Variants in DSCAM observed in about 807,000 individuals in gnomAD.
DSCAM encodes the protein DS cell adhesion molecule, also known as cell adhesion molecule DSCAM.
In DSCAM, 47 loss-of-function variants were observed where a neutral mutation model predicts 217.7. The observed-to-expected ratio is 0.22, with a 90% CI of 0.17 to 0.28. The LOEUF is 0.28. Among genes scored for constraint, DSCAM ranks in the 10% least tolerant of loss-of-function variants. The pLI is 1.00. For missense variants in DSCAM, 2,080 were observed against 2,618.3 expected (o/e 0.79, Z 4.49); for synonymous variants, 1,056 against 1,015.3 (o/e 1.04, Z -0.76).
chr21:40,550,053 T>C (rs74435479), intron 3 of DSCAM, among the ~76,000 whole-genome samples: 4,189 of 152,256 alleles, frequency 0.028, 183 homozygotes, highest in African/African-American at 0.096. Context: ...AAAAGAACCC[T>C]ACCAAAATAC....
At chr21:40,249,562 G>T (rs1400127251) in intron 11 of DSCAM, among the ~76,000 whole-genome samples, 1 of 152,164 alleles carries the variant, frequency 6.6e-6, no homozygotes, top group East Asian at 1.9e-4. Context: ...CATTAGCGTA[G>T]AAATATATTC....
At chr21:40,300,205 C>T (rs902626439) in intron 9 of DSCAM, among the ~76,000 whole-genome samples, 1 of 152,154 alleles carries the variant, frequency 6.6e-6, no homozygotes, top group African/African-American at 2.4e-5. Context: ...GCACCATATC[C>T]TTCCATCATT....
At chr21:40,475,847 A>G (rs1171488179) in intron 3 of DSCAM, among the ~76,000 whole-genome samples, 1 of 151,946 alleles carries the variant, frequency 6.6e-6, no homozygotes, top group East Asian at 1.9e-4. Flanking sequence ...ATAAATTAAT[A>G]AATAAAATTT....
At chr21:40,749,389 A>T (rs1009902209) in intron 1 of DSCAM, among the ~76,000 whole-genome samples, 1 of 152,168 alleles carries the variant, frequency 6.6e-6, no homozygotes, top group African/African-American at 2.4e-5. Flanking sequence ...AAAAGCAAAT[A>T]ATTAAATTTA....
chr21:40,078,453 C>G (rs77916028), intron 26 of DSCAM, among the ~76,000 whole-genome samples: 4,744 of 152,242 alleles, frequency 0.031, 273 homozygotes, highest in East Asian at 0.26. Context: ...CCATGACTCC[C>G]CAGTGAGACT....
chr21:40,790,020 C>T (rs2091626520), intron 1 of DSCAM, among the ~76,000 whole-genome samples: 2 of 152,050 alleles, frequency 1.3e-5, no homozygotes, highest in Admixed American at 1.3e-4. Flanking sequence ...TTTGTATTTC[C>T]TAACTAGGGC....
chr21:40,322,215 C>T (rs895424032), intron 8 of DSCAM, among the ~76,000 whole-genome samples: 1 of 152,178 alleles, frequency 6.6e-6, no homozygotes, highest in East Asian at 1.9e-4. Context: ...ACATTTGCTG[C>T]TTCCTGTCGT....
intron 1 of DSCAM, among the ~76,000 whole-genome samples, chr21:40,825,008 C>A (rs1184572418): frequency 4.6e-5 from 7 of 152,194 alleles, no homozygotes; most frequent in African/African-American, 1.7e-4. Context: ...TGGGTACACC[C>A]TTTTAGAAGC....
chr21:40,056,048 T>C (rs986971232), intron 28 of DSCAM, among the ~76,000 whole-genome samples: 3 of 152,232 alleles, frequency 2.0e-5, no homozygotes, highest in African/African-American at 7.2e-5. Flanking sequence ...CTGGAGAGTT[T>C]CAGAAAATAC....
Position 40,330,478 on chromosome 21 carries a change from G to T in DSCAM, c.1783+7623C>A, listed in dbSNP as rs180758375. On this transcript the variant is annotated intron_variant, in intron 8 of 32. Coordinates refer to ENST00000400454, the MANE Select transcript of DSCAM (RefSeq NM_001389.5). ...TAGTCTTTTTTTCCCTCCAATTAGG[G>T]TAAAGTAATTTGAGATATCGCTTAT... Among the ~76,000 whole-genome samples, 405 of 150,224 alleles carry T rather than the reference G, an allele frequency of 2.7e-3. 2 individuals are homozygous for T. Among genetic ancestry groups the T allele is most frequent in the African/African-American group, 9.1e-3 (374 of 41,056 alleles).
intron 1 of DSCAM, among the ~76,000 whole-genome samples, chr21:40,759,149 G>A (rs943423796): frequency 6.6e-6 from 1 of 151,992 alleles, no homozygotes; most frequent in Non-Finnish European, 1.5e-5. Flanking sequence ...TTTGCTCTTA[G>A]TCCCATCCTG....
rs145053154 is a variant in DSCAM at position 40,752,237 on chromosome 21, G to A, written c.44-43466C>T. Among the ~76,000 whole-genome samples the A allele has an allele frequency of 5.2e-4, 79 of 152,276 alleles. 1 individual carries two copies. The East Asian group carries it at 0.012, about 22-fold the overall frequency. Reference sequence around the variant, plus strand: ...CTCCCTAAGACTCTGTCAAGAATGGGTGCTTCCTTTCTGCTGTAACCTCTT... The same window carrying A: ...CTCCCTAAGACTCTGTCAAGAATGGATGCTTCCTTTCTGCTGTAACCTCTT... On this transcript the variant is annotated intron_variant, in intron 1 of 32. Transcript: ENST00000400454.
intron 3 of DSCAM, among the ~76,000 whole-genome samples, chr21:40,517,626 T>G (rs2076313846): frequency 6.6e-6 from 1 of 152,190 alleles, no homozygotes; most frequent in Non-Finnish European, 1.5e-5. Flanking sequence ...TAGCCCATTC[T>G]ACCTGGAACT....
chr21:40,533,551 ATCC>A (rs2076467897), intron 3 of DSCAM, among the ~76,000 whole-genome samples: 1 of 121,348 alleles, frequency 8.2e-6, no homozygotes, highest in Non-Finnish European at 1.8e-5. Flanking sequence ...CCATTCATCC[ATCC>A]ATTCATCCAT....
At chr21:40,070,805 C>A (rs1479879622) in intron 27 of DSCAM, among the ~76,000 whole-genome samples, 1 of 152,184 alleles carries the variant, frequency 6.6e-6, no homozygotes, top group Non-Finnish European at 1.5e-5. Flanking sequence ...TCATAACCTA[C>A]CCCTTAATCT....
intron 15 of DSCAM, among the ~76,000 whole-genome samples, chr21:40,172,453 C>G (rs971117404): frequency 1.3e-5 from 2 of 152,234 alleles, no homozygotes; most frequent in Non-Finnish European, 2.9e-5. Context: ...CTCCTGATTG[C>G]CAAACGCATG....
chr21:40,113,637 T>C (rs62237604), intron 20 of DSCAM, among the ~76,000 whole-genome samples: 13,415 of 152,130 alleles, frequency 0.088, 891 homozygotes, highest in East Asian at 0.29. Context: ...TGTTTGCAGA[T>C]GACATGATTG....
At chr21:40,653,227 A>C (rs1480155985) in intron 3 of DSCAM, among the ~76,000 whole-genome samples, 2 of 152,182 alleles carry the variant, frequency 1.3e-5, no homozygotes, top group Non-Finnish European at 2.9e-5. Flanking sequence ...TCATCAACCC[A>C]AGGGGTGGTC....
chr21:40,135,152 A>C (rs776947525), intron 18 of DSCAM, among the ~76,000 whole-genome samples: 3 of 152,206 alleles, frequency 2.0e-5, no homozygotes, highest in Non-Finnish European at 4.4e-5. Context: ...CCCTAGGGGA[A>C]GGGGCTGTCA....
Sources: gnomAD v4.1 joint callset for allele counts (sites outside exome capture counted in the v4.1 genomes callset) on GRCh38, gnomAD v4.1.1 for gene constraint, MANE v1.5 for transcripts, NCBI Gene and HGNC (gene_info 2026-07-23, HGNC 2026-07-21) for gene names.